SCN1A: variants seen among roughly 807,000 people sequenced by gnomAD.
The protein encoded by SCN1A is sodium channel protein type 1 subunit alpha.
A neutral mutation model predicts 193.7 loss-of-function variants in SCN1A; 13 were observed. The ratio of observed to expected loss-of-function variants is 0.07; its 90% CI spans 0.04 to 0.11. The LOEUF (loss-of-function observed/expected upper bound fraction) is 0.11. SCN1A is among the 10% of genes least tolerant of loss of function. The probability of loss-of-function intolerance (pLI) is 1.00; values close to 1 mark genes in which losing one functional copy is unlikely to be tolerated. For synonymous variants in SCN1A, 781 were observed against 843.6 expected (o/e 0.93, Z 1.29); for missense variants, 1,432 against 2,451.1 (o/e 0.58, Z 8.78).
chr2:165,993,990 A>C, intron 28 of SCN1A, 156 bp downstream of exon 28: 1 of 648,106 alleles, frequency 1.5e-6, no homozygotes, highest in Non-Finnish European at 2.7e-6. Flanking sequence ...ATATAGTAGG[A>C]GACATTTTGT....
chr2:166,098,610 C>A (rs1687668573), intron 2 of SCN1A, among the ~76,000 whole-genome samples: 1 of 152,066 alleles, frequency 6.6e-6, no homozygotes, highest in African/African-American at 2.4e-5. Context: ...AAAACAAAAC[C>A]CCACAGTCTC....
Position 166,045,295 on chromosome 2 carries a change from G to A in SCN1A, c.1410C>T (p.Ser470=), listed in dbSNP as rs142571794. 407 of 1,614,142 alleles carry A rather than the reference G, an allele frequency of 2.5e-4. 1 individual carries two copies. In the East Asian group the frequency reaches 6.1e-3, roughly 24 times the overall value. ...QAATATASEH[S]REPSAAGRLS... ...GCCTGCCTGCTGCACTGGGCTCTCT[G>A]GAATGTTCTGAGGCAGTTGCCGTTG... The change falls in exon 13 of 29, where the codon TCC becomes TCT. Residue 470 remains serine (S), a synonymous_variant. Coordinates refer to ENST00000674923, the MANE Select transcript of SCN1A (RefSeq NM_001165963.4).
rs901842154 is a variant in SCN1A, at chr2:165,987,560, A to G, written c.*3685T>C. The G allele has an allele frequency of 6.6e-6, 1 of 152,054 alleles. No individual in the cohort carries two copies. Among genetic ancestry groups the G allele is most frequent in the African/African-American group, 2.4e-5 (1 of 41,408 alleles). 9.4% of individuals were successfully genotyped at this position (152,054 alleles called of 1,614,324 possible). A position where few individuals can be genotyped will look rare whatever the true frequency, so the allele number is the denominator to read the frequency against. On this transcript the variant is annotated 3_prime_UTR_variant, in exon 29 of 29. Transcript: ENST00000674923. ...AAGAAACAGATTTGTACTTTTCCTT[A>G]TTTACTTACATCAGTATGTATTTGC...
chr2:166,083,380 C>T (rs1251739024), intron 2 of SCN1A, among the ~76,000 whole-genome samples: 2 of 152,038 alleles, frequency 1.3e-5, no homozygotes, highest in Non-Finnish European at 2.9e-5. Context: ...AGATATCTAA[C>T]ATATGTCTGT....
At chr2:166,040,707 T>C (rs1531380) in intron 16 of SCN1A, among the ~76,000 whole-genome samples, 111,675 of 151,588 alleles carry the variant, frequency 0.74, 41,510 homozygotes, top group East Asian at 0.89. Context: ...AAATGACCTT[T>C]GTAATCATAT....
At chr2:166,017,425 C>G (rs976739752) in intron 19 of SCN1A, among the ~76,000 whole-genome samples, 15 of 151,998 alleles carry the variant, frequency 9.9e-5, no homozygotes, top group Non-Finnish European at 8.8e-5. Context: ...CATTCTCAAT[C>G]AAACTACTCA....
intron 1 of SCN1A, among the ~76,000 whole-genome samples, chr2:166,137,299 A>G (rs1481320422): frequency 6.6e-6 from 1 of 152,212 alleles, no homozygotes; most frequent in Non-Finnish European, 1.5e-5. Context: ...ATGATAAAAG[A>G]TTCTATTTAA....
In SCN1A at chr2:165,992,039, C is replaced by T; in HGVS notation, c.5236G>A (p.Val1746Ile). 2 of 1,613,900 alleles carry T rather than the reference C, an allele frequency of 1.2e-6. No homozygotes were observed. Among genetic ancestry groups the T allele is most frequent in the Non-Finnish European group, 1.7e-6 (2 of 1,179,940 alleles). ...CCCTTAACTGAGCTTCCAGGGTTAA[C>T]TTTATTAGGGTCACAGTCGGGTGGC... ...SKPPDCDPNK[V>I]NPGSSVKGDC... The change falls in exon 29 of 29, where the codon GTT becomes ATT. Residue 1746 changes from valine (V) to isoleucine (I), a missense_variant. Coordinates refer to ENST00000674923, the MANE Select transcript of SCN1A (RefSeq NM_001165963.4). The surrounding 1 kb of genome is among the most constrained non-coding windows in gnomAD (Gnocchi z 6.5).
chr2:166,054,531 A>G, intron 7 of SCN1A, 107 bp downstream of exon 7: 3 of 1,225,852 alleles, frequency 2.4e-6, no homozygotes, highest in Non-Finnish European at 3.6e-6. Flanking sequence ...GAATGTATAA[A>G]TCACACCAAA....
In SCN1A at chr2:166,045,200, T is replaced by C; in HGVS notation, c.1505A>G (p.Lys502Arg). The change falls in exon 13 of 29, where the codon AAG becomes AGG. Residue 502 changes from lysine (K) to arginine (R), a missense_variant. By Grantham distance (26) the Lys-to-Arg change is conservative. Coordinates refer to ENST00000674923, the MANE Select transcript of SCN1A (RefSeq NM_001165963.4). ...AGACTGCTCTTTCTGTTTTCTTTTC[T>C]TCCTCCGATTTCTTCTTTCCTTAGC... The part of the protein sequence containing the change: ...KSAKERRNRR[K>R]KRKQKEQSGG... 1 of 1,614,186 alleles carries C rather than the reference T, an allele frequency of 6.2e-7. No individual in the cohort carries two copies. The highest frequency in any genetic ancestry group is 8.5e-7 in the Non-Finnish European group (1 of 1,180,032).
chr2:166,020,953 C>A (rs1453491484), intron 19 of SCN1A, among the ~76,000 whole-genome samples: 1 of 152,156 alleles, frequency 6.6e-6, no homozygotes, highest in African/African-American at 2.4e-5. Flanking sequence ...TTATACATGT[C>A]ATTTTTATTT....
intron 2 of SCN1A, among the ~76,000 whole-genome samples, chr2:166,091,309 A>T (rs927780704): frequency 6.6e-5 from 10 of 152,240 alleles, no homozygotes; most frequent in African/African-American, 2.4e-4. Flanking sequence ...CACTGGATAC[A>T]CGGAAAGGTG....
intron 2 of SCN1A, among the ~76,000 whole-genome samples, chr2:166,112,737 A>G (rs561168508): frequency 7.2e-5 from 11 of 152,326 alleles, no homozygotes; most frequent in African/African-American, 2.4e-4. Flanking sequence ...TGAGATGACA[A>G]GTGGCTGAGG....
intron 1 of SCN1A, among the ~76,000 whole-genome samples, chr2:166,136,018 A>G (rs1691841508): frequency 1.3e-5 from 2 of 152,204 alleles, no homozygotes. Context: ...TCTGCTCATT[A>G]TGGGTTGTTG....
At chr2:166,002,349 T>C (rs1691006813) in intron 24 of SCN1A, 123 bp downstream of exon 24, 5 of 1,072,334 alleles carry the variant, frequency 4.7e-6, no homozygotes, top group African/African-American at 3.2e-5. Flanking sequence ...TACTAACAAA[T>C]TGAAATTTTT....
At chr2:166,047,081 A>C in intron 11 of SCN1A, 105 bp from the exon 12 acceptor site, 5 of 1,292,480 alleles carry the variant, frequency 3.9e-6, no homozygotes, top group Non-Finnish European at 5.5e-6. Flanking sequence ...TATAAATAGT[A>C]ATTATGTTGG....
intron 23 of SCN1A, among the ~76,000 whole-genome samples, chr2:166,005,979 T>G (rs1291958826): frequency 6.6e-6 from 1 of 151,382 alleles, no homozygotes; most frequent in Non-Finnish European, 1.5e-5. Flanking sequence ...ATTCTATTTC[T>G]GGTTCATTAC....
chr2:166,062,881 C>T (rs1169796265), intron 4 of SCN1A, among the ~76,000 whole-genome samples: 2 of 152,056 alleles, frequency 1.3e-5, no homozygotes, highest in African/African-American at 4.8e-5. Context: ...TTCATTAATA[C>T]AACTTATCAG....
chr2:166,139,068 C>T (rs1408539753), intron 1 of SCN1A, among the ~76,000 whole-genome samples: 1 of 152,182 alleles, frequency 6.6e-6, no homozygotes, highest in Non-Finnish European at 1.5e-5. Flanking sequence ...GCTGTATTTG[C>T]CCAATGCCTG....
Sources: allele counts gnomAD v4.1 joint callset (sites outside exome capture counted in the v4.1 genomes callset), GRCh38; gene constraint gnomAD v4.1.1; non-coding constraint Gnocchi (gnomAD v3.1); transcripts MANE v1.5; gene names NCBI Gene and HGNC (gene_info 2026-07-23, HGNC 2026-07-21).